GRM1: variants seen among roughly 807,000 people sequenced by gnomAD.
GRM1 encodes glutamate metabotropic receptor 1, also known as metabotropic glutamate receptor 1.
GRM1 carries 33 observed loss-of-function variants against 90.9 expected under a neutral mutation model. The observed-to-expected ratio is 0.36, with a 90% CI of 0.28 to 0.49. GRM1 has a LOEUF of 0.49. Ranked by LOEUF, GRM1 falls within the 20% of genes least tolerant of loss-of-function variation. The pLI is 0.99. For synonymous variants in GRM1, 700 were observed against 613.2 expected, an observed-to-expected ratio of 1.14 and a Z score of -2.09; for missense variants, 1,190 against 1,534.3, an observed-to-expected ratio of 0.78 and a Z score of 3.75.
intron 1 of GRM1, among the ~76,000 whole-genome samples, chr6:146,099,232 C>T: frequency 6.6e-6 from 1 of 152,048 alleles, no homozygotes; most frequent in South Asian, 2.1e-4. Flanking sequence ...AGAAAAAATA[C>T]AAAAATTAGC....
rs949875067 is a variant in GRM1, at chr6:146,284,559, A to G, written c.951-20052A>G. 5.9e-5 allele frequency among the ~76,000 whole-genome samples: 9 copies of G among 152,186 alleles called. No individual in the cohort carries two copies. In the East Asian group the frequency reaches 1.7e-3, roughly 29 times the overall value. On this transcript the variant is annotated intron_variant, in intron 2 of 7. Coordinates refer to ENST00000282753, the MANE Select transcript of GRM1 (RefSeq NM_001278064.2). ...AATCTCGCCTGGTATTGTAATCCCC[A>G]TGTGTTGAGGGAGGGACCTGGTGGG... is the stretch of plus-strand genomic sequence containing the variant.
chr6:146,297,379 C>T (rs191864575), intron 2 of GRM1, among the ~76,000 whole-genome samples: 1 of 152,222 alleles, frequency 6.6e-6, no homozygotes, highest in East Asian at 1.9e-4. Flanking sequence ...CCAGGATGGT[C>T]TCAATCTCCT....
At chr6:146,271,813 T>C (rs951303456) in intron 2 of GRM1, among the ~76,000 whole-genome samples, 4 of 152,196 alleles carry the variant, frequency 2.6e-5, no homozygotes, top group South Asian at 2.1e-4. Context: ...TGCATAATGA[T>C]TTATGAGCCA....
intron 1 of GRM1, 117 bp downstream of exon 1, chr6:146,030,334 C>T (rs549857216): frequency 1.2e-6 from 1 of 801,266 alleles, no homozygotes; most frequent in East Asian, 2.6e-5. Context: ...ACGGAGTTTA[C>T]CCTTCTCAGT....
intron 3 of GRM1, among the ~76,000 whole-genome samples, chr6:146,350,416 G>A (rs1027847497): frequency 6.6e-6 from 1 of 151,676 alleles, no homozygotes; most frequent in African/African-American, 2.4e-5. Context: ...GTATTGACAG[G>A]ACACTTTAAG....
chr6:146,258,872 AC>A (rs1781581327), intron 2 of GRM1, among the ~76,000 whole-genome samples: 1 of 152,130 alleles, frequency 6.6e-6, no homozygotes, highest in African/African-American at 2.4e-5. Context: ...GGTCATACCT[AC>A]CCTACTTACT....
Position 146,236,826 on chromosome 6 carries a change from A to G in GRM1, c.951-67785A>G, listed in dbSNP as rs115372074. 8.9e-3 allele frequency among the ~76,000 whole-genome samples: 1,356 copies of G among 152,162 alleles called. 20 individuals carry two copies. The highest frequency in any genetic ancestry group is 0.03 in the African/African-American group (1,251 of 41,506). ...CTTGCAGGGCTGCTGTTCTGTTCCT[A>G]CAGGCCCAATAGAGACATTCTCAAG... is the stretch of plus-strand genomic sequence containing the variant. On this transcript the variant is annotated intron_variant, in intron 2 of 7. Coordinates refer to ENST00000282753, the MANE Select transcript of GRM1 (RefSeq NM_001278064.2).
chr6:146,242,448 A>G (rs2114737095), intron 2 of GRM1, among the ~76,000 whole-genome samples: 1 of 152,294 alleles, frequency 6.6e-6, no homozygotes, highest in East Asian at 1.9e-4. Context: ...GACCTGGTAG[A>G]CTTTAGACAC....
At chr6:146,285,441 G>T (rs1301987304) in intron 2 of GRM1, among the ~76,000 whole-genome samples, 1 of 152,094 alleles carries the variant, frequency 6.6e-6, no homozygotes, top group Non-Finnish European at 1.5e-5. Flanking sequence ...AGACTGATTT[G>T]CTAGCTTCCA....
chr6:146,146,382 C>T (rs879514242), intron 1 of GRM1, among the ~76,000 whole-genome samples: 5 of 151,838 alleles, frequency 3.3e-5, no homozygotes, highest in South Asian at 2.1e-4. Flanking sequence ...CCACCGTGCC[C>T]GGCCTACTAT....
chr6:146,390,107 A>T (rs1776662222), intron 6 of GRM1, among the ~76,000 whole-genome samples: 1 of 152,130 alleles, frequency 6.6e-6, no homozygotes, highest in South Asian at 2.1e-4. Flanking sequence ...TAAAATGAGA[A>T]ATCATTCTTC....
At chr6:146,301,360 C>G (rs903660772) in intron 2 of GRM1, among the ~76,000 whole-genome samples, 41 of 152,142 alleles carry the variant, frequency 2.7e-4, no homozygotes, top group Admixed American at 1.6e-3. Flanking sequence ...AGTTTTCGTC[C>G]TATAAAGTGC....
At chr6:146,097,633 C>G (rs142239818) in intron 1 of GRM1, among the ~76,000 whole-genome samples, 130 of 152,324 alleles carry the variant, frequency 8.5e-4, no homozygotes, top group East Asian at 5.8e-3. Context: ...ATCTTCCCCC[C>G]CTACATTTTC....
chr6:146,313,135 T>C (rs527297799), intron 3 of GRM1, among the ~76,000 whole-genome samples: 102 of 152,340 alleles, frequency 6.7e-4, no homozygotes, highest in African/African-American at 2.4e-3. Flanking sequence ...ATCTGAGGCA[T>C]CTAATGGCAT....
intron 2 of GRM1, among the ~76,000 whole-genome samples, chr6:146,205,876 C>G (rs1779477444): frequency 2.0e-5 from 3 of 152,104 alleles, no homozygotes; most frequent in Admixed American, 2.0e-4. Flanking sequence ...CCACATGCTC[C>G]AAGCAAAAAC....
chr6:146,382,911 G>T (rs139722025), intron 5 of GRM1, among the ~76,000 whole-genome samples: 1 of 152,114 alleles, frequency 6.6e-6, no homozygotes, highest in Non-Finnish European at 1.5e-5. Context: ...GATCTTGGCA[G>T]CTGTGTGCAT....
At chr6:146,311,674 G>A (rs1339558018) in intron 3 of GRM1, among the ~76,000 whole-genome samples, 4 of 152,138 alleles carry the variant, frequency 2.6e-5, no homozygotes, top group South Asian at 2.1e-4. Context: ...TATCAATACA[G>A]GTACTAGAAT....
chr6:146,380,521 G>A (rs1484007650), intron 5 of GRM1, among the ~76,000 whole-genome samples: 2 of 152,046 alleles, frequency 1.3e-5, no homozygotes, highest in Admixed American at 6.6e-5. Flanking sequence ...GCCTGGCCTG[G>A]GACATACCCT....
chr6:146,050,036 G>A (rs1380427917), intron 1 of GRM1, among the ~76,000 whole-genome samples: 1 of 151,814 alleles, frequency 6.6e-6, no homozygotes. Context: ...TTCAAAACAG[G>A]CTTATGAGTT....
Sources: allele counts gnomAD v4.1 joint callset (sites outside exome capture counted in the v4.1 genomes callset), GRCh38; gene constraint gnomAD v4.1.1; transcripts MANE v1.5; gene names NCBI Gene and HGNC (gene_info 2026-07-23, HGNC 2026-07-21).